The following ARID5B variants were observed in gnomAD, a reference collection of about 807,000 sequenced individuals.
ARID5B encodes AT-rich interaction domain 5B.
ARID5B carries 13 observed loss-of-function variants against 97.2 expected under a neutral mutation model. That is an observed-to-expected ratio of 0.13 (90% confidence interval 0.09 to 0.21). The LOEUF (loss-of-function observed/expected upper bound fraction) is 0.21. Ranked by LOEUF, ARID5B falls within the 10% of genes least tolerant of loss-of-function variation. ARID5B has a pLI of 1.00. For synonymous variants in ARID5B, 556 were observed against 570.3 expected, an observed-to-expected ratio of 0.97 and a Z score of 0.36; for missense variants, 1,210 against 1,465.3, an observed-to-expected ratio of 0.83 and a Z score of 2.84.
chr10:61,915,190 CAG>C (rs1477461460), intron 2 of ARID5B, among the ~76,000 whole-genome samples: 1 of 152,194 alleles, frequency 6.6e-6, no homozygotes, highest in Non-Finnish European at 1.5e-5. Flanking sequence ...GTCTCAGACT[CAG>C]TACCTCCAGC....
At chr10:61,986,392 AATT>A (rs1252188306) in intron 3 of ARID5B, among the ~76,000 whole-genome samples, 1 of 152,190 alleles carries the variant, frequency 6.6e-6, no homozygotes, top group East Asian at 1.9e-4. Context: ...AACTATTTGT[AATT>A]ATACAGTGTT....
At chr10:61,923,738 A>G (rs1844056409) in intron 2 of ARID5B, among the ~76,000 whole-genome samples, 1 of 152,200 alleles carries the variant, frequency 6.6e-6, no homozygotes, top group Admixed American at 6.5e-5. Flanking sequence ...GACTAGAAGG[A>G]GTGTGAGCTG....
chr10:61,937,297 T>A (rs1001513407), intron 2 of ARID5B, among the ~76,000 whole-genome samples: 1 of 152,150 alleles, frequency 6.6e-6, no homozygotes, highest in African/African-American at 2.4e-5. Context: ...GTCTGGGTAT[T>A]TTTGCCTAAA....
chr10:61,910,338 T>C (rs188164299), intron 2 of ARID5B, among the ~76,000 whole-genome samples: 1 of 152,348 alleles, frequency 6.6e-6, no homozygotes, highest in East Asian at 1.9e-4. Flanking sequence ...TGCATTCACT[T>C]GTCATTTTTT....
intron 7 of ARID5B, among the ~76,000 whole-genome samples, chr10:62,067,412 T>G (rs1424168637): frequency 1.3e-5 from 2 of 152,148 alleles, no homozygotes; most frequent in Non-Finnish European, 2.9e-5. Context: ...GAGATACAAG[T>G]GGTTAGGGTG....
At chr10:62,080,708 A>G (rs748051322) in intron 8 of ARID5B, among the ~76,000 whole-genome samples, 5 of 152,228 alleles carry the variant, frequency 3.3e-5, no homozygotes, top group Non-Finnish European at 7.3e-5. Flanking sequence ...GAATCAACTC[A>G]GAGGTGTAAT....
chr10:62,036,704 C>T (rs2132912616), intron 4 of ARID5B, among the ~76,000 whole-genome samples: 1 of 152,278 alleles, frequency 6.6e-6, no homozygotes. Context: ...CCTGCAGAGA[C>T]CCAAATGGAG....
chr10:62,089,524 T>C (rs1334387111), intron 9 of ARID5B, among the ~76,000 whole-genome samples: 1 of 104,568 alleles, frequency 9.6e-6, no homozygotes. Context: ...CCTTCCTTCT[T>C]TTTCTTTTTT....
intron 3 of ARID5B, among the ~76,000 whole-genome samples, chr10:61,984,700 C>T (rs982827476): frequency 1.3e-5 from 2 of 152,208 alleles, no homozygotes; most frequent in Admixed American, 6.5e-5. Context: ...GCCTCGCTGC[C>T]TTCAGGATTT....
chr10:61,944,802 C>T (rs536406095), intron 3 of ARID5B, among the ~76,000 whole-genome samples: 11 of 152,304 alleles, frequency 7.2e-5, no homozygotes, highest in African/African-American at 2.6e-4. Flanking sequence ...CTGCCACAAA[C>T]TGTCTGTGGA....
chr10:61,992,378 A>C (rs1187542275), intron 3 of ARID5B, among the ~76,000 whole-genome samples: 1 of 152,166 alleles, frequency 6.6e-6, no homozygotes, highest in Non-Finnish European at 1.5e-5. Context: ...GAGTGGTAGC[A>C]GTGTTTGGTT....
chr10:61,975,011 A>G (rs888092615), intron 3 of ARID5B, among the ~76,000 whole-genome samples: 3 of 151,792 alleles, frequency 2.0e-5, no homozygotes, highest in African/African-American at 7.3e-5. Flanking sequence ...TAAACAATGT[A>G]TGCATCTCCT....
In ARID5B at chr10:62,091,757, A is replaced by G. The variant is rs1389205004; in HGVS notation, c.2294A>G (p.Glu765Gly). 1 of 1,614,070 alleles carries G rather than the reference A, an allele frequency of 6.2e-7. No homozygotes were observed. Among genetic ancestry groups the G allele is most frequent in the African/African-American group, 1.3e-5 (1 of 74,940 alleles). The change falls in exon 10 of 10, where the codon GAG becomes GGG. Residue 765 changes from glutamate (E) to glycine (G), a missense_variant. Physicochemically the swap from Glu to Gly is moderately conservative, Grantham distance 98. This residue lies in a region of ARID5B where 800 missense variants were observed against 839.1 expected (regional missense o/e 0.95). Transcript: ENST00000279873. ...AGTTTCAGAAGCAAGCCCTCGGAAG[A>G]GAGAAAGACCATCAATGACATCTTT... ...VQSFRSKPSE[E>G]RKTINDIFKH...
intron 2 of ARID5B, among the ~76,000 whole-genome samples, chr10:61,922,576 C>G (rs1337254067): frequency 6.6e-6 from 1 of 152,222 alleles, no homozygotes; most frequent in African/African-American, 2.4e-5. Flanking sequence ...GCACTCCAGC[C>G]TGGGTGACAG....
chr10:62,028,631 A>T (rs1022049464), intron 4 of ARID5B, among the ~76,000 whole-genome samples: 7 of 152,094 alleles, frequency 4.6e-5, no homozygotes, highest in African/African-American at 1.7e-4. Context: ...GGGATATATT[A>T]TATATATGAG....
intron 4 of ARID5B, chr10:62,049,398 C>G: frequency 6.5e-7 from 1 of 1,549,882 alleles, no homozygotes; most frequent in Non-Finnish European, 8.7e-7. Context: ...GTCGAGACTT[C>G]CAGGGATGTG....
intron 3 of ARID5B, among the ~76,000 whole-genome samples, chr10:61,944,458 A>C (rs1844468328): frequency 6.6e-6 from 1 of 152,232 alleles, no homozygotes; most frequent in African/African-American, 2.4e-5. Context: ...AAGGAATATA[A>C]ACACTATCAG....
intron 4 of ARID5B, among the ~76,000 whole-genome samples, chr10:62,018,471 T>G (rs993984399): frequency 6.6e-6 from 1 of 152,198 alleles, no homozygotes; most frequent in African/African-American, 2.4e-5. Context: ...GAAGGCTTTG[T>G]AGTTGTAATA....
intron 4 of ARID5B, among the ~76,000 whole-genome samples, chr10:62,013,337 C>T (rs1473936537): frequency 6.6e-6 from 1 of 152,060 alleles, no homozygotes; most frequent in Non-Finnish European, 1.5e-5. Context: ...AAAAATTGTA[C>T]ATGTCTATCA....
Sources: allele counts gnomAD v4.1 joint callset (sites outside exome capture counted in the v4.1 genomes callset), GRCh38; gene constraint gnomAD v4.1.1; regional missense constraint gnomAD v4.1.1; transcripts MANE v1.5; gene names NCBI Gene and HGNC (gene_info 2026-07-23, HGNC 2026-07-21).